Variants in WRNIP1 observed in about 807,000 individuals in gnomAD.
WRNIP1 encodes WRN helicase interacting protein 1, also known as ATPase WRNIP1.
In WRNIP1, 41 loss-of-function variants were observed where a neutral mutation model predicts 56.1. The ratio of observed to expected loss-of-function variants is 0.73; its 90% CI spans 0.57 to 0.95. WRNIP1 has a LOEUF of 0.95. WRNIP1 is among the 40% of genes least tolerant of loss of function. WRNIP1 has a pLI of 0.00. For synonymous variants in WRNIP1, 547 were observed against 398.1 expected (o/e 1.37, Z -4.45); for missense variants, 1,170 against 939.4 (o/e 1.25, Z -3.21).
intron 2 of WRNIP1, 79 bp downstream of exon 2, chr6:2,768,961 TAG>T: frequency 7.1e-7 from 1 of 1,399,278 alleles, no homozygotes; most frequent in Non-Finnish European, 9.7e-7. Context: ...ATACAAACGC[TAG>T]AGACTTACGA....
chr6:2,778,132 T>A (rs987202214), intron 3 of WRNIP1, among the ~76,000 whole-genome samples: 3 of 152,132 alleles, frequency 2.0e-5, no homozygotes, highest in Non-Finnish European at 4.4e-5. Flanking sequence ...GCTGAGGAGT[T>A]CTGCATTGAT....
Position 2,768,679 on chromosome 6 carries a change from C to A in WRNIP1, c.823-12C>A. 1 of 1,585,990 alleles carries A rather than the reference C, an allele frequency of 6.3e-7. No homozygotes were observed. Among genetic ancestry groups the A allele is most frequent in the South Asian group, 1.1e-5 (1 of 87,482 alleles). ...CCAGCTTTTCAAACTCCATGTATGT[C>A]ATCTTTTCTAGACCACTCTGGCTCA... On this transcript the variant is annotated splice_polypyrimidine_tract_variant and intron_variant, in intron 1 of 6. Transcript: ENST00000380773.
rs1455485273 is a variant in WRNIP1 at position 2,765,734 on chromosome 6, C to A, written c.112C>A (p.Arg38Ser). The A allele has an allele frequency of 1.3e-6, 2 of 1,528,296 alleles. No individual in the cohort carries two copies. Among genetic ancestry groups the A allele is most frequent in the Admixed American group, 1.9e-5 (1 of 52,656 alleles). The allele number at this position is 1,528,296 out of a possible 1,614,324, so 94.7% of individuals were successfully genotyped here. ...CGCGCACATCAACTCGCACCTGGAC[C>A]GCTGTCTGCTGCTCCACCCGGCGGG... ...PAAHINSHLD[R>S]CLLLHPAGHA... Residue 38 changes from arginine (R) to serine (S), a missense_variant, in exon 1 of 7, where the codon CGC becomes AGC. Arg to Ser is a moderately radical substitution (Grantham distance 110). Transcript: ENST00000380773.
Position 2,785,260 on chromosome 6 carries a change from T to A in WRNIP1, c.1976T>A (p.Phe659Tyr). ...YLPEELRGVD[F>Y]FKQRRC is the part of the protein sequence containing the mutation. The stretch of plus-strand genomic sequence containing the variant: ...CCTGAAGAGTTGAGGGGGGTAGATT[T>A]CTTCAAGCAGAGGAGGTGCTGACTC... Residue 659 changes from phenylalanine to tyrosine, a missense_variant, in exon 7 of 7, where the codon TTC becomes TAC. Physicochemically the swap from Phe to Tyr is conservative, Grantham distance 22. Transcript: ENST00000380773. 1 of 1,613,922 alleles carries A rather than the reference T, an allele frequency of 6.2e-7. No individual in the cohort carries two copies. Among genetic ancestry groups the A allele is most frequent in the Non-Finnish European group, 8.5e-7 (1 of 1,179,918 alleles).
intron 3 of WRNIP1, among the ~76,000 whole-genome samples, chr6:2,777,666 A>G (rs942717305): frequency 6.6e-6 from 1 of 151,810 alleles, no homozygotes; most frequent in Non-Finnish European, 1.5e-5. Flanking sequence ...TTCCCCATAC[A>G]TTTTCTTTAG....
At chr6:2,773,096 C>A in intron 3 of WRNIP1, 5 of 985,400 alleles carry the variant, frequency 5.1e-6, no homozygotes, top group Non-Finnish European at 6.0e-6. Context: ...CTTAGCCGTT[C>A]TTGATTGCAC....
chr6:2,771,711 A>G (rs544161067), intron 3 of WRNIP1, among the ~76,000 whole-genome samples: 1 of 152,340 alleles, frequency 6.6e-6, no homozygotes, highest in African/African-American at 2.4e-5. Context: ...AAATCAAAAA[A>G]ATAGGAAATT....
Position 2,783,391 on chromosome 6 carries a change from T to C in WRNIP1, c.1487-15T>C, listed in dbSNP as rs760851275. The C allele has an allele frequency of 1.3e-6, 2 of 1,575,876 alleles. No individual in the cohort carries two copies. The highest frequency in any genetic ancestry group is 1.7e-5 in the Admixed American group (1 of 57,264). On this transcript the variant is annotated splice_polypyrimidine_tract_variant and intron_variant, in intron 4 of 6. Coordinates refer to ENST00000380773, the MANE Select transcript of WRNIP1 (RefSeq NM_020135.3). ...CCTGTGAGCTCTGTGTGAGTGGTGCTCTTTGTGATGTCAGGTGAGGAGCAT... is the reference window on the plus strand; with the variant it reads ...CCTGTGAGCTCTGTGTGAGTGGTGCCCTTTGTGATGTCAGGTGAGGAGCAT...
At chr6:2,777,149 T>C (rs775644388) in intron 3 of WRNIP1, among the ~76,000 whole-genome samples, 8 of 152,208 alleles carry the variant, frequency 5.3e-5, no homozygotes, top group Non-Finnish European at 1.0e-4. Flanking sequence ...GCTGGAAATA[T>C]GGATTCTTTT....
rs959633412 is a variant in WRNIP1, at chr6:2,785,489, G to A, written c.*207G>A. 2.6e-5 allele frequency: 15 copies of A among 579,928 alleles called. No individual in the cohort carries two copies. The highest frequency in any genetic ancestry group is 6.5e-5 in the Admixed American group (2 of 30,650). 35.9% of individuals were successfully genotyped at this position (579,928 alleles called of 1,614,324 possible). A position where few individuals can be genotyped will look rare whatever the true frequency, so the allele number is the denominator to read the frequency against. ...TGTGTTCATTTGCACTCGGTGCAGCGGTTATGCTTATGAAAATACCTGGCA... is the reference window on the plus strand; with the variant it reads ...TGTGTTCATTTGCACTCGGTGCAGCAGTTATGCTTATGAAAATACCTGGCA... On this transcript the variant is annotated 3_prime_UTR_variant, in exon 7 of 7. Transcript: ENST00000380773.
In WRNIP1 at chr6:2,771,825, A is replaced by G. The variant is rs537782739; in HGVS notation, c.1256+1464A>G. 2.6e-5 allele frequency among the ~76,000 whole-genome samples: 4 copies of G among 152,332 alleles called. No individual in the cohort carries two copies. In the South Asian group the frequency reaches 8.3e-4, roughly 32 times the overall value. On this transcript the variant is annotated intron_variant, in intron 3 of 6. Coordinates refer to ENST00000380773, the MANE Select transcript of WRNIP1 (RefSeq NM_020135.3). ...ACGCATAGAACCACATGGTAAAGAC[A>G]AATTGAAAGAAAAGGGGGGAAATCC...
chr6:2,784,006 G>A (rs1765647034), intron 5 of WRNIP1, among the ~76,000 whole-genome samples: 1 of 152,096 alleles, frequency 6.6e-6, no homozygotes, highest in South Asian at 2.1e-4. Flanking sequence ...GGGATGTTTT[G>A]TTTTTAGTGT....
At chr6:2,775,451 A>G (rs1020548147) in intron 3 of WRNIP1, among the ~76,000 whole-genome samples, 2 of 152,206 alleles carry the variant, frequency 1.3e-5, no homozygotes. Flanking sequence ...CCTGACCATG[A>G]AATGTTCCTT....
At chr6:2,771,819 A>G (rs1160087961) in intron 3 of WRNIP1, among the ~76,000 whole-genome samples, 2 of 152,222 alleles carry the variant, frequency 1.3e-5, no homozygotes, top group African/African-American at 2.4e-5. Flanking sequence ...ACCACATGGT[A>G]AAGACAAATT....
intron 3 of WRNIP1, chr6:2,773,933 C>G: frequency 1.0e-6 from 1 of 985,228 alleles, no homozygotes. Flanking sequence ...TGTGGCGTAA[C>G]TGGGTGTGGG....
intron 3 of WRNIP1, among the ~76,000 whole-genome samples, chr6:2,775,824 C>T (rs1765418708): frequency 6.6e-6 from 1 of 152,252 alleles, no homozygotes; most frequent in Non-Finnish European, 1.5e-5. Flanking sequence ...TTATTTTAAC[C>T]AATTTTCCCT....
intron 3 of WRNIP1, chr6:2,773,911 C>T: frequency 1.0e-6 from 1 of 985,254 alleles, no homozygotes; most frequent in Non-Finnish European, 1.2e-6. Context: ...GCGTCTGTCC[C>T]TGGGTAAGGG....
At position 2,766,339 on chromosome 6, in the gene WRNIP1, C is replaced by T. The variant is rs146980122; in HGVS notation, c.717C>T (p.Tyr239=). ...DTMRPDTLQD[Y]FGQSKAVGQD... is the part of the protein sequence containing the mutation. Reference sequence around the variant, plus strand: ...TGCGTCCTGACACGCTGCAGGATTACTTCGGGCAGAGCAAGGCCGTGGGCC... The same window carrying T: ...TGCGTCCTGACACGCTGCAGGATTATTTCGGGCAGAGCAAGGCCGTGGGCC... Residue 239 remains tyrosine, a synonymous_variant, in exon 1 of 7, where the codon TAC becomes TAT. Transcript: ENST00000380773. 5.2e-5 allele frequency: 84 copies of T among 1,610,736 alleles called. No individual in the cohort carries two copies. Among genetic ancestry groups the T allele is most frequent in the African/African-American group, 4.4e-4 (33 of 74,874 alleles).
chr6:2,774,812 C>G (rs554955003), intron 3 of WRNIP1, among the ~76,000 whole-genome samples: 29 of 152,320 alleles, frequency 1.9e-4, no homozygotes, highest in African/African-American at 7.0e-4. Flanking sequence ...TGCTTTCACT[C>G]TGATGTTATG....
Sources: gnomAD v4.1 joint callset for allele counts (sites outside exome capture counted in the v4.1 genomes callset) on GRCh38, gnomAD v4.1.1 for gene constraint, MANE v1.5 for transcripts, NCBI Gene and HGNC (gene_info 2026-07-23, HGNC 2026-07-21) for gene names.